Variants in SFSWAP observed in about 807,000 individuals in gnomAD.
The protein encoded by SFSWAP is splicing factor SWAP, also known as splicing factor, suppressor of white-apricot homolog.
SFSWAP carries 17 observed loss-of-function variants against 100.7 expected under a neutral mutation model. The ratio of observed to expected loss-of-function variants is 0.17; its 90% CI spans 0.12 to 0.25. The LOEUF is 0.25. Ranked by LOEUF, SFSWAP falls within the 10% of genes least tolerant of loss-of-function variation. The pLI is 1.00. For missense variants in SFSWAP, 1,005 were observed against 1,262.6 expected, an observed-to-expected ratio of 0.80 and a Z score of 3.09; for synonymous variants, 504 against 510.1, an observed-to-expected ratio of 0.99 and a Z score of 0.16.
rs192292282 is a variant in SFSWAP, at chr12:131,736,570, G to A, written c.1081+8142G>A. ...CCCTCACTGCCTGCTCACAGGCATC[G>A]TGTCCGCCGACCGTAGAACCTGAAA... On this transcript the variant is annotated intron_variant, in intron 7 of 17. Coordinates refer to ENST00000261674, the MANE Select transcript of SFSWAP (RefSeq NM_004592.4). 1.1e-4 allele frequency among the ~76,000 whole-genome samples: 17 copies of A among 152,200 alleles called. No individual in the cohort carries two copies. In the East Asian group the frequency reaches 2.9e-3, roughly 26 times the overall value.
chr12:131,729,088 CT>C (rs1487070763), intron 7 of SFSWAP, among the ~76,000 whole-genome samples: 1 of 152,204 alleles, frequency 6.6e-6, no homozygotes, highest in Non-Finnish European at 1.5e-5. Context: ...GGTCTCCCCA[CT>C]CAGCAGAGGC....
intron 13 of SFSWAP, among the ~76,000 whole-genome samples, chr12:131,776,013 A>T (rs1883993994): frequency 6.6e-6 from 1 of 152,080 alleles, no homozygotes; most frequent in Non-Finnish European, 1.5e-5. Context: ...GAGGCACAAG[A>T]ATCACTTGAG....
At chr12:131,783,206 G>C (rs1444379187) in intron 14 of SFSWAP, among the ~76,000 whole-genome samples, 2 of 145,788 alleles carry the variant, frequency 1.4e-5, no homozygotes, top group South Asian at 2.2e-4. Flanking sequence ...AAAGATTAAA[G>C]TAAAATACTT....
intron 13 of SFSWAP, among the ~76,000 whole-genome samples, chr12:131,770,132 T>C (rs754006074): frequency 2.6e-5 from 4 of 152,254 alleles, no homozygotes; most frequent in Non-Finnish European, 5.9e-5. Flanking sequence ...AAAATATTTT[T>C]AGCCTAAAAC....
chr12:131,757,244 G>A (rs1370625148), intron 11 of SFSWAP: 1 of 152,638 alleles, frequency 6.6e-6, no homozygotes, highest in Non-Finnish European at 1.5e-5. Flanking sequence ...CGTTCAGCTG[G>A]TGTTGCGAGA....
intron 12 of SFSWAP, among the ~76,000 whole-genome samples, chr12:131,765,509 G>A (rs1012319226): frequency 2.6e-5 from 4 of 152,150 alleles, no homozygotes; most frequent in South Asian, 2.1e-4. Context: ...TTAGCCGGGC[G>A]TGGTGGCACA....
At chr12:131,798,144 G>A (rs1200641202) in intron 16 of SFSWAP, among the ~76,000 whole-genome samples, 3 of 151,984 alleles carry the variant, frequency 2.0e-5, no homozygotes, top group Non-Finnish European at 4.4e-5. Context: ...CAACATGGCA[G>A]GACCTTGTCT....
At chr12:131,753,521 G>T in intron 8 of SFSWAP, 158 bp downstream of exon 8, 1 of 1,017,824 alleles carries the variant, frequency 9.8e-7, no homozygotes. Flanking sequence ...TTACAAAGTT[G>T]ACAGGAAAAC....
chr12:131,721,815 AATG>A (rs1410465403), intron 4 of SFSWAP, among the ~76,000 whole-genome samples: 23 of 152,322 alleles, frequency 1.5e-4, no homozygotes, highest in Admixed American at 4.6e-4. Context: ...AGTTTCTTCT[AATG>A]ATATTATAGA....
intron 3 of SFSWAP, among the ~76,000 whole-genome samples, chr12:131,718,382 AT>A (rs1878132167): frequency 1.3e-5 from 2 of 152,192 alleles, no homozygotes; most frequent in South Asian, 2.1e-4. Flanking sequence ...ATCCTTAAAA[AT>A]GTTACCTTTT....
chr12:131,715,018 C>T (rs1454625436), intron 3 of SFSWAP, 65 bp downstream of exon 3: 57 of 1,566,260 alleles, frequency 3.6e-5, no homozygotes, highest in Admixed American at 8.4e-5. Context: ...CTGCATGCAC[C>T]GTGGTCCAGT....
chr12:131,745,444 C>T (rs1881016100), intron 7 of SFSWAP, among the ~76,000 whole-genome samples: 1 of 152,216 alleles, frequency 6.6e-6, no homozygotes, highest in African/African-American at 2.4e-5. Context: ...TGATTTCTCT[C>T]ATTCACTTCT....
chr12:131,760,846 G>A (rs1882607635), intron 11 of SFSWAP, among the ~76,000 whole-genome samples: 1 of 152,102 alleles, frequency 6.6e-6, no homozygotes, highest in Admixed American at 6.6e-5. Flanking sequence ...GGCCGAGGGG[G>A]GCAGATCACG....
At chr12:131,773,431 C>T (rs912046237) in intron 13 of SFSWAP, among the ~76,000 whole-genome samples, 76 of 151,696 alleles carry the variant, frequency 5.0e-4, no homozygotes, top group African/African-American at 1.8e-3. Context: ...CCTTGACCTC[C>T]CGGCCTGAAG....
chr12:131,752,986 C>G (rs1881791289), intron 7 of SFSWAP, 137 bp from the exon 8 acceptor site: 1 of 1,331,424 alleles, frequency 7.5e-7, no homozygotes, highest in African/African-American at 1.5e-5. Flanking sequence ...TCAGAAAAAT[C>G]TAGAAAACAG....
At chr12:131,797,408 G>GGA (rs1566066236) in intron 16 of SFSWAP, 48 bp downstream of exon 16, 1 of 1,520,808 alleles carries the variant, frequency 6.6e-7, no homozygotes, top group South Asian at 1.2e-5. Flanking sequence ...GCAAGGGGCG[G>GGA]CCAGCAGGAC....
Position 131,711,116 on chromosome 12 carries a change from G to A in SFSWAP, c.-114G>A. The A allele has an allele frequency of 2.4e-6, 2 of 825,650 alleles. No individual in the cohort carries two copies. The highest frequency in any genetic ancestry group is 2.7e-5 in the East Asian group (1 of 36,432). 51.1% of individuals were successfully genotyped at this position (825,650 alleles called of 1,614,324 possible). A position where few individuals can be genotyped will look rare whatever the true frequency, so the allele number is the denominator to read the frequency against. On this transcript the variant is annotated 5_prime_UTR_variant, in exon 1 of 18. Coordinates refer to ENST00000261674, the MANE Select transcript of SFSWAP (RefSeq NM_004592.4). This position sits in a 1 kb window ranked among gnomAD's most constrained non-coding sequence, Gnocchi z 4.9. ...TTTTGTGGCCCGCTATGGCGGCGGT[G>A]TTGAGGTTGGGTACGGGATGCGGGG...
intron 14 of SFSWAP, among the ~76,000 whole-genome samples, chr12:131,783,238 A>G (rs1035452897): frequency 2.0e-5 from 3 of 150,530 alleles, no homozygotes; most frequent in African/African-American, 4.9e-5. Flanking sequence ...TTTCATTTGT[A>G]TTTTGATATT....
rs767869650 is a variant in SFSWAP at position 131,725,376 on chromosome 12, G to A, written c.607-29G>A. The A allele has an allele frequency of 6.4e-7, 1 of 1,562,602 alleles. No individual in the cohort carries two copies. Among genetic ancestry groups the A allele is most frequent in the South Asian group, 1.1e-5 (1 of 89,874 alleles). ...GGCCGGTGGACAAGAGGACAAATGG[G>A]TGACGTGAATATGTGTGTTTTCCCG... On this transcript the variant is annotated intron_variant, in intron 4 of 17. Transcript: ENST00000261674. This position sits in a 1 kb window ranked among gnomAD's most constrained non-coding sequence, Gnocchi z 4.3.
Sources: allele counts gnomAD v4.1 joint callset (sites outside exome capture counted in the v4.1 genomes callset), GRCh38; gene constraint gnomAD v4.1.1; non-coding constraint Gnocchi (gnomAD v3.1); transcripts MANE v1.5; gene names NCBI Gene and HGNC (gene_info 2026-07-23, HGNC 2026-07-21).